The following MYRIP variants were observed in gnomAD, a reference collection of about 807,000 sequenced individuals.
The protein encoded by MYRIP is myosin VIIA and Rab interacting protein, also known as rab effector MyRIP.
MYRIP carries 49 observed loss-of-function variants against 98.0 expected under a neutral mutation model. The ratio of observed to expected loss-of-function variants is 0.50; its 90% CI spans 0.40 to 0.63. The LOEUF is 0.63. Ranked by LOEUF, MYRIP falls within the 30% of genes least tolerant of loss-of-function variation. The pLI is 0.00. For synonymous variants in MYRIP, 404 were observed against 409.5 expected, an observed-to-expected ratio of 0.99 and a Z score of 0.16; for missense variants, 1,004 against 1,058.2, an observed-to-expected ratio of 0.95 and a Z score of 0.71.
chr3:39,873,163 T>C (rs980351365), intron 1 of MYRIP, among the ~76,000 whole-genome samples: 6 of 152,234 alleles, frequency 3.9e-5, no homozygotes, highest in Non-Finnish European at 5.9e-5. Context: ...TTCATGTCTT[T>C]TGCCCACTTT....
rs370265945 is a variant in MYRIP at position 40,030,449 on chromosome 3, T to TA, written c.111-13594dup. 9.9e-5 allele frequency among the ~76,000 whole-genome samples: 15 copies of TA among 152,064 alleles called. No individual in the cohort carries two copies. The South Asian group carries it at 1.5e-3, about 15-fold the overall frequency. ...ACAGTCTGGCAGTTTCTCAAAAAGT[T>TA]AAAAAAAGTGTTACTATGTGACCTA... is the stretch of plus-strand genomic sequence containing the variant. On this transcript the variant is annotated intron_variant, in intron 2 of 16. Transcript: ENST00000302541.
chr3:40,174,273 C>G (rs1950697028), intron 8 of MYRIP: 2 of 152,240 alleles, frequency 1.3e-5, no homozygotes, highest in Non-Finnish European at 2.9e-5. Context: ...CTGCAACCTT[C>G]ATTTTTATCT....
rs185992910 is a variant in MYRIP at position 40,104,294 on chromosome 3, C to A, written c.333-46754C>A. 9.4e-4 allele frequency among the ~76,000 whole-genome samples: 143 copies of A among 152,222 alleles called. 2 individuals carry two copies. The highest frequency in any genetic ancestry group is 3.3e-3 in the African/African-American group (139 of 41,530). On this transcript the variant is annotated intron_variant, in intron 3 of 16. Coordinates refer to ENST00000302541, the MANE Select transcript of MYRIP (RefSeq NM_015460.4). ...CCTTTAGTGTCATACTTAGAAAAAA[C>A]TTCCAGAAACCCAAAACATAGATCA...
rs1366304797 is a variant in MYRIP, at chr3:40,106,546, T to C, written c.333-44502T>C. On this transcript the variant is annotated intron_variant, in intron 3 of 16. Transcript: ENST00000302541. ...AAGTGCCCTTTCTGTTTCAGAGGTA[T>C]TGAATTTTATATATTCTTTCATAGG... Among the ~76,000 whole-genome samples the C allele has an allele frequency of 2.6e-5, 4 of 152,208 alleles. No homozygotes were observed. In the South Asian group the frequency reaches 6.2e-4, roughly 24 times the overall value.
At chr3:40,040,850 A>G (rs374024766) in intron 2 of MYRIP, among the ~76,000 whole-genome samples, 6,456 of 43,536 alleles carry the variant, frequency 0.15, 726 homozygotes, top group Non-Finnish European at 0.23. Context: ...GGGAGGGGGG[A>G]GGGATAGCAT....
chr3:40,057,204 C>T (rs1947902869), intron 3 of MYRIP, among the ~76,000 whole-genome samples: 1 of 151,978 alleles, frequency 6.6e-6, no homozygotes, highest in Non-Finnish European at 1.5e-5. Context: ...TGGTAAGCTC[C>T]AGATTCACAA....
chr3:40,166,952 C>T lies in MYRIP; in HGVS notation c.648+9C>T, dbSNP rs1399194963. On this transcript the variant is annotated intron_variant, in intron 6 of 16. Transcript: ENST00000302541. The stretch of plus-strand genomic sequence containing the variant: ...CATATGGGGACAGCCTGGTAGGGCC[C>T]CTCCTGCTCCTCTCTGTGGGGGGAG... The T allele has an allele frequency of 2.5e-6, 4 of 1,602,768 alleles. No individual in the cohort carries two copies. Among genetic ancestry groups the T allele is most frequent in the South Asian group, 1.1e-5 (1 of 90,852 alleles).
At chr3:39,899,731 A>G (rs957034435) in intron 1 of MYRIP, among the ~76,000 whole-genome samples, 2 of 152,234 alleles carry the variant, frequency 1.3e-5, no homozygotes, top group African/African-American at 2.4e-5. Context: ...AACATTTGAT[A>G]TAAATTTTCA....
intron 11 of MYRIP, among the ~76,000 whole-genome samples, chr3:40,229,985 G>A (rs543676078): frequency 2.0e-5 from 3 of 152,290 alleles, no homozygotes; most frequent in South Asian, 2.1e-4. Context: ...CCTAATAAAT[G>A]TGTTATTTAA....
rs150800021 is a variant in MYRIP, at chr3:40,029,279, T to G, written c.111-14771T>G. Among the ~76,000 whole-genome samples the G allele has an allele frequency of 5.9e-3, 905 of 152,324 alleles. 9 individuals are homozygous for G. The highest frequency in any genetic ancestry group is 0.02 in the African/African-American group (837 of 41,592). ...CTGTTCTGTCTCCCTGTTAACATTT[T>G]ATTCAGCCAAGTGTATGTATATATT... On this transcript the variant is annotated intron_variant, in intron 2 of 16. Coordinates refer to ENST00000302541, the MANE Select transcript of MYRIP (RefSeq NM_015460.4).
intron 13 of MYRIP, among the ~76,000 whole-genome samples, chr3:40,245,797 G>C (rs1464330508): frequency 1.4e-5 from 2 of 142,826 alleles, no homozygotes; most frequent in African/African-American, 5.4e-5. Flanking sequence ...ACCCAGGCTG[G>C]AGTACAGTGG....
At position 40,218,622 on chromosome 3, in the gene MYRIP, A is replaced by ATATATATATATTT. The variant is rs1231531202; in HGVS notation, c.1905+8540_1905+8541insTTTATATATATAT. 8.7e-3 allele frequency among the ~76,000 whole-genome samples: 111 copies of ATATATATATATTT among 12,702 alleles called. 1 individual carries two copies. Among genetic ancestry groups the ATATATATATATTT allele is most frequent in the African/African-American group, 0.013 (96 of 7,372 alleles). The allele number at this position is 12,702 out of a possible 152,430, so 8.3% of individuals were successfully genotyped here. On this transcript the variant is annotated intron_variant, in intron 11 of 16. Transcript: ENST00000302541. ...ACATATATATATATTTTATATATATATATATATATATATATATATATATAT... is the reference window on the plus strand; with the variant it reads ...ACATATATATATATTTTATATATATATATATATATATTTTATATATATATATATATATATATAT...
At chr3:40,258,079 T>C (rs765445902) in intron 16 of MYRIP, 55 bp from the exon 17 acceptor site, 16 of 1,595,218 alleles carry the variant, frequency 1.0e-5, no homozygotes, top group Non-Finnish European at 1.4e-5. Context: ...TTTTCATTGC[T>C]TCTTCTCACT....
chr3:39,823,111 C>A (rs1320960604), intron 1 of MYRIP, among the ~76,000 whole-genome samples: 1 of 151,354 alleles, frequency 6.6e-6, no homozygotes, highest in African/African-American at 2.4e-5. Flanking sequence ...CCTCCGCCTC[C>A]TGGGTTCAAG....
chr3:40,170,801 G>A (rs1414882098), intron 8 of MYRIP, among the ~76,000 whole-genome samples: 2 of 152,184 alleles, frequency 1.3e-5, no homozygotes, highest in East Asian at 3.9e-4. Context: ...TCTGGGACAG[G>A]GCAGCACACA....
At chr3:40,155,868 G>T (rs1398677996) in intron 4 of MYRIP, among the ~76,000 whole-genome samples, 1 of 151,324 alleles carries the variant, frequency 6.6e-6, no homozygotes, top group Non-Finnish European at 1.5e-5. Flanking sequence ...ATTTGTTTGA[G>T]TTCATTGTAG....
At chr3:39,984,496 G>A (rs556798838) in intron 2 of MYRIP, among the ~76,000 whole-genome samples, 10 of 151,876 alleles carry the variant, frequency 6.6e-5, no homozygotes, top group South Asian at 2.1e-4. Flanking sequence ...TTGTTCTTGC[G>A]ATAGTTTACT....
intron 1 of MYRIP, among the ~76,000 whole-genome samples, chr3:39,862,998 C>T (rs2125620504): frequency 6.6e-6 from 1 of 152,230 alleles, no homozygotes; most frequent in South Asian, 2.1e-4. Context: ...GAATATTGCT[C>T]AAAACCATGC....
chr3:40,069,562 C>G (rs146051103), intron 3 of MYRIP, among the ~76,000 whole-genome samples: 12 of 152,268 alleles, frequency 7.9e-5, no homozygotes, highest in Admixed American at 2.0e-4. Flanking sequence ...AACTGAAGCT[C>G]TATGCCCGTT....
Sources: gnomAD v4.1 joint callset for allele counts (sites outside exome capture counted in the v4.1 genomes callset) on GRCh38, gnomAD v4.1.1 for gene constraint, MANE v1.5 for transcripts, NCBI Gene and HGNC (gene_info 2026-07-23, HGNC 2026-07-21) for gene names.